IPO11: variants seen among roughly 807,000 people sequenced by gnomAD.
IPO11 encodes importin 11, also known as importin-11.
IPO11 carries 66 observed loss-of-function variants against 143.2 expected under a neutral mutation model. That is an observed-to-expected ratio of 0.46 (90% CI 0.38 to 0.57). The LOEUF is 0.57. IPO11 is among the 20% of genes least tolerant of loss of function. IPO11 has a pLI of 0.00. For missense variants in IPO11, 1,026 were observed against 1,141.0 expected (o/e 0.90, Z 1.45); for synonymous variants, 385 against 377.8 (o/e 1.02, Z -0.22).
At chr5:62,617,128 T>A (rs961192708) in intron 29 of IPO11, among the ~76,000 whole-genome samples, 1 of 152,210 alleles carries the variant, frequency 6.6e-6, no homozygotes, top group African/African-American at 2.4e-5. Flanking sequence ...CAAAGGCAAT[T>A]AGAACAATAA....
At chr5:62,570,846 T>C (rs1355084249) in intron 27 of IPO11, among the ~76,000 whole-genome samples, 1 of 152,324 alleles carries the variant, frequency 6.6e-6, no homozygotes, top group East Asian at 1.9e-4. Context: ...TTTAAACATA[T>C]CACCTAAGAA....
At chr5:62,478,629 C>G (rs1307507738) in intron 9 of IPO11, among the ~76,000 whole-genome samples, 1 of 152,166 alleles carries the variant, frequency 6.6e-6, no homozygotes, top group Admixed American at 6.5e-5. Context: ...CATCAGCTCC[C>G]TTTCCATCTG....
At chr5:62,547,929 C>T (rs930454108) in intron 24 of IPO11, among the ~76,000 whole-genome samples, 5 of 151,972 alleles carry the variant, frequency 3.3e-5, no homozygotes, top group African/African-American at 1.2e-4. Flanking sequence ...CTGTAGACAC[C>T]TGTCTTTCTG....
intron 24 of IPO11, among the ~76,000 whole-genome samples, chr5:62,537,644 TC>T (rs1742781419): frequency 6.6e-6 from 1 of 152,212 alleles, no homozygotes; most frequent in Non-Finnish European, 1.5e-5. Context: ...TACTTCTTAT[TC>T]TTTCATTTTG....
chr5:62,595,050 C>A (rs1745165612), intron 28 of IPO11, among the ~76,000 whole-genome samples: 1 of 152,164 alleles, frequency 6.6e-6, no homozygotes, highest in Non-Finnish European at 1.5e-5. Flanking sequence ...GGGGTAGATG[C>A]TGGTGCGTGG....
At chr5:62,612,351 C>T (rs1745954961) in intron 29 of IPO11, among the ~76,000 whole-genome samples, 1 of 152,132 alleles carries the variant, frequency 6.6e-6, no homozygotes. Flanking sequence ...TAAGAAACTA[C>T]TATTTGTGAG....
chr5:62,554,314 C>T lies in IPO11; in HGVS notation c.2460+2978C>T, dbSNP rs111515712. ...CATTTGTCTATTTTTCCTTTTGTTG[C>T]CTATGTTTTTGAGGTTTTATTAGTA... On this transcript the variant is annotated intron_variant, in intron 26 of 29. Transcript: ENST00000325324. Among the ~76,000 whole-genome samples the T allele has an allele frequency of 3.5e-3, 534 of 152,150 alleles. 3 individuals are homozygous for T. Among genetic ancestry groups the T allele is most frequent in the Middle Eastern group, 0.024 (7 of 294 alleles).
intron 29 of IPO11, among the ~76,000 whole-genome samples, chr5:62,605,392 A>G (rs752195085): frequency 2.0e-5 from 3 of 152,208 alleles, no homozygotes; most frequent in Non-Finnish European, 2.9e-5. Context: ...CAGGAAAGCT[A>G]TTAAGCTGTC....
At chr5:62,444,811 G>T (rs1382750765) in intron 3 of IPO11, among the ~76,000 whole-genome samples, 1 of 151,978 alleles carries the variant, frequency 6.6e-6, no homozygotes, top group Non-Finnish European at 1.5e-5. Context: ...AGAGGTTGCC[G>T]TGAGCCAAGA....
chr5:62,495,646 T>C (rs1741107083), intron 16 of IPO11, among the ~76,000 whole-genome samples: 2 of 152,102 alleles, frequency 1.3e-5, no homozygotes, highest in Admixed American at 1.3e-4. Context: ...GATTTTTCTG[T>C]TTTTTGTAGA....
chr5:62,493,944 A>G, intron 15 of IPO11, 54 bp from the exon 16 acceptor site: 1 of 1,468,342 alleles, frequency 6.8e-7, no homozygotes, highest in South Asian at 1.3e-5. Flanking sequence ...TACTAAAAGA[A>G]ATAGACCTCT....
chr5:62,580,649 G>A, intron 27 of IPO11: 2 of 1,551,460 alleles, frequency 1.3e-6, no homozygotes, highest in East Asian at 2.4e-5. Flanking sequence ...ATTACAAATT[G>A]TGTTACATCT....
chr5:62,542,582 A>G (rs1254685998), intron 24 of IPO11, among the ~76,000 whole-genome samples: 1 of 152,124 alleles, frequency 6.6e-6, no homozygotes, highest in Non-Finnish European at 1.5e-5. Flanking sequence ...CTAATTTTTG[A>G]CAGTGTCTGC....
At chr5:62,438,718 C>G (rs1165697786) in intron 2 of IPO11, among the ~76,000 whole-genome samples, 3 of 149,270 alleles carry the variant, frequency 2.0e-5, no homozygotes, top group Admixed American at 6.8e-5. Context: ...TGCCATTGTA[C>G]TCCAGTCTGG....
At chr5:62,569,871 T>G (rs1252918997) in intron 27 of IPO11, among the ~76,000 whole-genome samples, 4 of 152,248 alleles carry the variant, frequency 2.6e-5, no homozygotes, top group Non-Finnish European at 5.9e-5. Context: ...ATGTTTTCCT[T>G]CTTTTTATAT....
intron 27 of IPO11, among the ~76,000 whole-genome samples, chr5:62,572,378 C>CTGCA (rs1423107455): frequency 6.6e-6 from 1 of 152,150 alleles, no homozygotes; most frequent in Admixed American, 6.5e-5. Context: ...AGACTCTCCA[C>CTGCA]TGCATTATAG....
In IPO11 at chr5:62,494,891, C is replaced by A. The variant is rs567217944; in HGVS notation, c.1590+767C>A. On this transcript the variant is annotated intron_variant, in intron 16 of 29. Transcript: ENST00000325324. ...GAGTTGTGCTAAGATCTTTTTTAAT[C>A]ATTTCTCAGTCTCCCTCCCTTTACC... Among the ~76,000 whole-genome samples, 38 of 151,228 alleles carry A rather than the reference C, an allele frequency of 2.5e-4. No individual in the cohort carries two copies. In the East Asian group the frequency reaches 5.4e-3, roughly 22 times the overall value.
rs375812415 is a variant in IPO11 at position 62,523,816 on chromosome 5, T to C, written c.1897-2326T>C. On this transcript the variant is annotated intron_variant, in intron 20 of 29. Transcript: ENST00000325324. Reference sequence around the variant, plus strand: ...GGAATTCAGAGAGTTGTTGTAGATATGATAGATTTGTATATCATCAGTGTG... The same window carrying C: ...GGAATTCAGAGAGTTGTTGTAGATACGATAGATTTGTATATCATCAGTGTG... Among the ~76,000 whole-genome samples the C allele has an allele frequency of 3.3e-5, 5 of 152,310 alleles. No homozygotes were observed. The South Asian group carries it at 1.0e-3, about 32-fold the overall frequency.
intron 12 of IPO11, 115 bp from the exon 13 acceptor site, chr5:62,487,656 T>C: frequency 1.8e-6 from 2 of 1,122,190 alleles, no homozygotes; most frequent in Non-Finnish European, 2.3e-6. Context: ...AAATCAAAAG[T>C]TGGAAACATT....
Sources: gnomAD v4.1 joint callset for allele counts (sites outside exome capture counted in the v4.1 genomes callset) on GRCh38, gnomAD v4.1.1 for gene constraint, MANE v1.5 for transcripts, NCBI Gene and HGNC (gene_info 2026-07-23, HGNC 2026-07-21) for gene names.